Variants in NKAIN3 observed in about 807,000 individuals in gnomAD.
The protein encoded by NKAIN3 is sodium/potassium transporting ATPase interacting 3, also known as sodium/potassium-transporting ATPase subunit beta-1-interacting protein 3.
In NKAIN3, 25 loss-of-function variants were observed where a neutral mutation model predicts 30.2. The ratio of observed to expected loss-of-function variants is 0.83; its 90% CI spans 0.60 to 1.16. The LOEUF (loss-of-function observed/expected upper bound fraction) is 1.16, where lower values mean the gene tolerates loss of function less well. NKAIN3 is among the 50% of genes most tolerant of loss of function. The pLI, the probability that NKAIN3 is intolerant of heterozygous loss-of-function variation, is 0.00. For synonymous variants in NKAIN3, 91 were observed against 89.6 expected (o/e 1.02, Z -0.09); for missense variants, 225 against 254.1 (o/e 0.89, Z 0.78).
At chr8:62,473,001 A>T (rs2123036) in intron 1 of NKAIN3, among the ~76,000 whole-genome samples, 151 of 152,302 alleles carry the variant, frequency 9.9e-4, no homozygotes, top group African/African-American at 3.3e-3. Flanking sequence ...ATTCACTGCA[A>T]TATACATTTC....
intron 4 of NKAIN3, among the ~76,000 whole-genome samples, chr8:62,784,873 A>G (rs987405998): frequency 6.6e-6 from 1 of 152,184 alleles, no homozygotes; most frequent in African/African-American, 2.4e-5. Context: ...CAACATATGA[A>G]AAGTTTTATT....
chr8:62,832,679 C>A (rs1227680085), intron 4 of NKAIN3, among the ~76,000 whole-genome samples: 1 of 149,408 alleles, frequency 6.7e-6, no homozygotes, highest in Non-Finnish European at 1.5e-5. Flanking sequence ...ATTGGAGCAC[C>A]CAGATACATA....
Position 62,915,573 on chromosome 8 carries a change from T to C in NKAIN3, c.472-2880T>C, listed in dbSNP as rs138350473. ...TAAGATTTGTGTTGTTTTAAGTCAC[T>C]AAGTTTGCAGCAATCTCTTACAGCA... On this transcript the variant is annotated intron_variant, in intron 4 of 6. Transcript: ENST00000623646. 1.9e-3 allele frequency among the ~76,000 whole-genome samples: 287 copies of C among 152,308 alleles called. 1 individual carries two copies. The highest frequency in any genetic ancestry group is 6.3e-3 in the African/African-American group (263 of 41,580).
chr8:62,997,261 T>A (rs963969930), intron 5 of NKAIN3, among the ~76,000 whole-genome samples: 1 of 152,150 alleles, frequency 6.6e-6, no homozygotes, highest in African/African-American at 2.4e-5. Flanking sequence ...ATAAAATTTG[T>A]AAATTGTAGA....
intron 4 of NKAIN3, among the ~76,000 whole-genome samples, chr8:62,809,193 G>A (rs1385070560): frequency 6.6e-6 from 1 of 152,056 alleles, no homozygotes; most frequent in African/African-American, 2.4e-5. Context: ...CTTTTTCAAG[G>A]TGCCCAGATT....
chr8:62,414,371 A>C lies in NKAIN3; in HGVS notation c.55-165168A>C, dbSNP rs2129596161. ...CACTTGAGGATTTGATTAAGTTTTCAAATATTTTGCCATTTACATTGAGGA... is the reference window on the plus strand; with the variant it reads ...CACTTGAGGATTTGATTAAGTTTTCCAATATTTTGCCATTTACATTGAGGA... On this transcript the variant is annotated intron_variant, in intron 1 of 6. Coordinates refer to ENST00000623646, the MANE Select transcript of NKAIN3 (RefSeq NM_001304533.3). 2.0e-5 allele frequency among the ~76,000 whole-genome samples: 3 copies of C among 152,220 alleles called. No individual in the cohort carries two copies. The South Asian group carries it at 6.2e-4, about 32-fold the overall frequency.
intron 3 of NKAIN3, among the ~76,000 whole-genome samples, chr8:62,731,275 C>CA (rs1815456990): frequency 7.1e-6 from 1 of 140,394 alleles, no homozygotes; most frequent in Non-Finnish European, 1.5e-5. Context: ...ACACACACAC[C>CA]CTTCCTTCTA....
chr8:62,702,476 A>G (rs1237737366), intron 3 of NKAIN3, among the ~76,000 whole-genome samples: 1 of 152,206 alleles, frequency 6.6e-6, no homozygotes, highest in African/African-American at 2.4e-5. Flanking sequence ...TTAGATTTTT[A>G]TGCACATATT....
At chr8:62,778,206 A>G (rs1236338855) in intron 4 of NKAIN3, among the ~76,000 whole-genome samples, 1 of 152,192 alleles carries the variant, frequency 6.6e-6, no homozygotes, top group Non-Finnish European at 1.5e-5. Flanking sequence ...CATCCTGGCT[A>G]CTGCCTAAGT....
rs1563513614 is a variant in NKAIN3 at position 62,680,512 on chromosome 8, A to G, written c.274-66420A>G. ...GATTTTGTCTATTAGTCTCTCTTTT[A>G]CTTTGTTTCCCTGTTTAAAATATTA... On this transcript the variant is annotated intron_variant, in intron 3 of 6. Transcript: ENST00000623646. Among the ~76,000 whole-genome samples the G allele has an allele frequency of 2.6e-5, 4 of 152,304 alleles. No homozygotes were observed. The South Asian group carries it at 8.3e-4, about 32-fold the overall frequency.
chr8:62,869,524 G>A (rs535746628), intron 4 of NKAIN3, among the ~76,000 whole-genome samples: 1 of 152,284 alleles, frequency 6.6e-6, no homozygotes, highest in East Asian at 1.9e-4. Context: ...TTCTCCAATA[G>A]GCAAATTAGG....
At chr8:62,493,212 G>A (rs1347929320) in intron 1 of NKAIN3, among the ~76,000 whole-genome samples, 1 of 151,692 alleles carries the variant, frequency 6.6e-6, no homozygotes, top group Non-Finnish European at 1.5e-5. Flanking sequence ...CTACCTTGAG[G>A]AAGGGGTTCA....
chr8:62,534,341 T>A (rs1022429521), intron 1 of NKAIN3, among the ~76,000 whole-genome samples: 1 of 152,160 alleles, frequency 6.6e-6, no homozygotes, highest in Non-Finnish European at 1.5e-5. Flanking sequence ...ACAACAGGCA[T>A]GCTCATAAAT....
intron 1 of NKAIN3, among the ~76,000 whole-genome samples, chr8:62,269,895 G>T (rs553026901): frequency 4.6e-5 from 7 of 152,016 alleles, no homozygotes; most frequent in Non-Finnish European, 8.8e-5. Flanking sequence ...AAAACATGGG[G>T]TATAATAAGT....
chr8:62,669,941 A>G (rs544990730), intron 3 of NKAIN3, among the ~76,000 whole-genome samples: 1 of 152,126 alleles, frequency 6.6e-6, no homozygotes, highest in South Asian at 2.1e-4. Context: ...TTTTCCTCCC[A>G]CCAGTTTTGT....
chr8:62,543,774 C>T (rs561029549), intron 1 of NKAIN3, among the ~76,000 whole-genome samples: 91 of 152,278 alleles, frequency 6.0e-4, no homozygotes, highest in Non-Finnish European at 1.0e-3. Flanking sequence ...ATGTAATTCT[C>T]TTCCACTGTT....
intron 4 of NKAIN3, among the ~76,000 whole-genome samples, chr8:62,783,593 C>T (rs966791777): frequency 1.4e-5 from 2 of 145,230 alleles, no homozygotes; most frequent in Non-Finnish European, 3.0e-5. Context: ...ACAGCAGAAA[C>T]AGCAGAATAC....
intron 2 of NKAIN3, among the ~76,000 whole-genome samples, chr8:62,582,977 T>A (rs1235635779): frequency 6.6e-6 from 1 of 152,136 alleles, no homozygotes; most frequent in African/African-American, 2.4e-5. Context: ...TGCCTGGTGT[T>A]TGTGTCCCGG....
chr8:62,428,201 C>G (rs1283876946), intron 1 of NKAIN3, among the ~76,000 whole-genome samples: 1 of 151,864 alleles, frequency 6.6e-6, no homozygotes, highest in Non-Finnish European at 1.5e-5. Flanking sequence ...GAATGATATT[C>G]CATTGTGTAT....
Sources: gnomAD v4.1 joint callset for allele counts (sites outside exome capture counted in the v4.1 genomes callset) on GRCh38, gnomAD v4.1.1 for gene constraint, MANE v1.5 for transcripts, NCBI Gene and HGNC (gene_info 2026-07-23, HGNC 2026-07-21) for gene names.